MARCHF4: variants seen among roughly 807,000 people sequenced by gnomAD.
MARCHF4 encodes E3 ubiquitin-protein ligase MARCHF4.
MARCHF4 carries 14 observed loss-of-function variants against 43.9 expected under a neutral mutation model. That is an observed-to-expected ratio of 0.32 (90% CI 0.21 to 0.50). The LOEUF (loss-of-function observed/expected upper bound fraction) is 0.50, where lower values mean the gene tolerates loss of function less well. Ranked by LOEUF, MARCHF4 falls within the 20% of genes least tolerant of loss-of-function variation. The probability of loss-of-function intolerance (pLI) is 0.98; values close to 1 mark genes in which losing one functional copy is unlikely to be tolerated. For missense variants in MARCHF4, 468 were observed against 536.7 expected, an observed-to-expected ratio of 0.87 and a Z score of 1.27; for synonymous variants, 226 against 213.3, an observed-to-expected ratio of 1.06 and a Z score of -0.52.
At chr2:216,351,901 A>G (rs1376187792) in intron 1 of MARCHF4, among the ~76,000 whole-genome samples, 1 of 152,240 alleles carries the variant, frequency 6.6e-6, no homozygotes, top group African/African-American at 2.4e-5. Flanking sequence ...AGGACAAAAA[A>G]AGGCAAATGT....
intron 3 of MARCHF4, among the ~76,000 whole-genome samples, chr2:216,273,685 T>A (rs1690975794): frequency 6.6e-6 from 1 of 152,150 alleles, no homozygotes; most frequent in South Asian, 2.1e-4. Context: ...AACTAACCTA[T>A]CAGGTTTTGA....
At chr2:216,274,871 C>T (rs1178195496) in intron 3 of MARCHF4, among the ~76,000 whole-genome samples, 1 of 147,088 alleles carries the variant, frequency 6.8e-6, no homozygotes, top group Non-Finnish European at 1.5e-5. Context: ...GGTATAGGTT[C>T]TTATTATAAT....
chr2:216,372,314 G>T lies in MARCHF4; in HGVS notation c.-2054C>A, dbSNP rs1692783019. ...CGGCTATCTCCGCCGCCGGCGCCGCGGCCGCCGCTGCTGCATTCAGCACCC... is the reference window on the plus strand; with the variant it reads ...CGGCTATCTCCGCCGCCGGCGCCGCTGCCGCCGCTGCTGCATTCAGCACCC... On this transcript the variant is annotated 5_prime_UTR_variant, in exon 1 of 4. Transcript: ENST00000273067. 6.6e-6 allele frequency among the ~76,000 whole-genome samples: 1 copy of T among 152,156 alleles called. No homozygotes were observed. Among genetic ancestry groups the T allele is most frequent in the East Asian group, 1.9e-4 (1 of 5,170 alleles).
chr2:216,277,616 C>A, intron 3 of MARCHF4, 56 bp downstream of exon 3: 1 of 1,503,826 alleles, frequency 6.6e-7, no homozygotes, highest in South Asian at 1.3e-5. Context: ...AGGGATCTGT[C>A]CATCCCACGA....
intron 1 of MARCHF4, among the ~76,000 whole-genome samples, chr2:216,361,831 G>C (rs1291046270): frequency 6.6e-6 from 1 of 152,170 alleles, no homozygotes; most frequent in Non-Finnish European, 1.5e-5. Flanking sequence ...GCAACAGTGT[G>C]ATCTGAGGGC....
At chr2:216,354,983 C>CTTTCTTTCTTTA in intron 1 of MARCHF4, among the ~76,000 whole-genome samples, 1 of 96,948 alleles carries the variant, frequency 1.0e-5, no homozygotes, top group East Asian at 2.6e-4. Context: ...TTCTTTCTTT[C>CTTTCTTTCTTTA]TTTTTTGAGA....
chr2:216,280,136 G>A (rs952989360), intron 2 of MARCHF4, among the ~76,000 whole-genome samples: 38 of 152,056 alleles, frequency 2.5e-4, no homozygotes, highest in Non-Finnish European at 1.0e-4. Flanking sequence ...CCTCCTGTCT[G>A]TCCCATATGA....
At chr2:216,345,894 A>C (rs1692312081) in intron 1 of MARCHF4, among the ~76,000 whole-genome samples, 1 of 151,580 alleles carries the variant, frequency 6.6e-6, no homozygotes, top group African/African-American at 2.4e-5. Context: ...ATGTAAAATC[A>C]AATAGGAGGG....
At chr2:216,348,361 TA>T (rs1340804032) in intron 1 of MARCHF4, among the ~76,000 whole-genome samples, 2 of 152,020 alleles carry the variant, frequency 1.3e-5, no homozygotes, top group African/African-American at 4.8e-5. Context: ...CTTAGTAACA[TA>T]ATGAGATAGG....
At chr2:216,296,980 A>G (rs1294733818) in intron 1 of MARCHF4, among the ~76,000 whole-genome samples, 1 of 152,208 alleles carries the variant, frequency 6.6e-6, no homozygotes, top group Non-Finnish European at 1.5e-5. Context: ...TAGCCGTGCC[A>G]GAGTCTGCTG....
intron 1 of MARCHF4, among the ~76,000 whole-genome samples, chr2:216,368,767 CACTA>C (rs1415514588): frequency 2.6e-5 from 4 of 152,230 alleles, no homozygotes; most frequent in Admixed American, 6.5e-5. Context: ...TCTCCAGCAT[CACTA>C]ACTGCGTGAG....
At chr2:216,355,382 C>A (rs1692486345) in intron 1 of MARCHF4, among the ~76,000 whole-genome samples, 1 of 152,174 alleles carries the variant, frequency 6.6e-6, no homozygotes, top group African/African-American at 2.4e-5. Context: ...ACCCAGCACC[C>A]ACCTTCAGCA....
In MARCHF4 at chr2:216,261,106, G is replaced by A. The variant is rs907516469; in HGVS notation, c.866-1427C>T. On this transcript the variant is annotated intron_variant, in intron 3 of 3. Transcript: ENST00000273067. ...GATTTGTGTGGTGGCTGCGGTGACC[G>A]GATTCATTTCCTATTGCTGCAGTGA... 3.9e-5 allele frequency among the ~76,000 whole-genome samples: 6 copies of A among 152,152 alleles called. 1 individual carries two copies. Among genetic ancestry groups the A allele is most frequent in the Admixed American group, 2.6e-4 (4 of 15,278 alleles).
intron 1 of MARCHF4, among the ~76,000 whole-genome samples, chr2:216,314,316 G>T (rs548647183): frequency 5.3e-5 from 8 of 149,900 alleles, no homozygotes; most frequent in Non-Finnish European, 1.2e-4. Flanking sequence ...GTAGACAAAT[G>T]ATGTAACTAC....
In MARCHF4 at chr2:216,370,416, G is replaced by A; in HGVS notation, c.-156C>T. The A allele has an allele frequency of 1.7e-6, 1 of 584,462 alleles. No homozygotes were observed. The highest frequency in any genetic ancestry group is 2.9e-6 in the Non-Finnish European group (1 of 341,172). The allele number at this position is 584,462 out of a possible 1,614,324, so 36.2% of individuals were successfully genotyped here. On this transcript the variant is annotated 5_prime_UTR_variant, in exon 1 of 4. Coordinates refer to ENST00000273067, the MANE Select transcript of MARCHF4 (RefSeq NM_020814.3). ...AACCCCTCCAAGTAGCAAATAAATT[G>A]CTCCCAGGACTGAGAAGTGTGAGTC... is the stretch of plus-strand genomic sequence containing the variant.
At chr2:216,325,791 C>A (rs1221248928) in intron 1 of MARCHF4, among the ~76,000 whole-genome samples, 221 of 149,182 alleles carry the variant, frequency 1.5e-3, no homozygotes, top group African/African-American at 5.0e-3. Flanking sequence ...CTTCCTTACA[C>A]CTTATACAAA....
chr2:216,354,914 T>TCTTC (rs1491398699), intron 1 of MARCHF4, among the ~76,000 whole-genome samples: 3,394 of 100,814 alleles, frequency 0.034, 162 homozygotes, highest in Non-Finnish European at 0.046. Flanking sequence ...TTTCTTTCTT[T>TCTTC]CTTTCTTTCT....
chr2:216,354,971 CTTT>C (rs1559106718), intron 1 of MARCHF4, among the ~76,000 whole-genome samples: 3 of 111,196 alleles, frequency 2.7e-5, no homozygotes, highest in East Asian at 5.1e-4. Context: ...TTCTTTCTTT[CTTT>C]CTTTCTTTCT....
At position 216,259,005 on chromosome 2, in the gene MARCHF4, G is replaced by A. The variant is rs1440853956; in HGVS notation, c.*307C>T. 4.3e-6 allele frequency: 1 copy of A among 232,538 alleles called. No homozygotes were observed. Among genetic ancestry groups the A allele is most frequent in the Non-Finnish European group, 8.5e-6 (1 of 117,846 alleles). The allele number at this position is 232,538 out of a possible 1,614,324, so 14.4% of individuals were successfully genotyped here. ...GCCTGCCCTCAGCCTCTGCTTCTTC[G>A]GGTACCTTGCCTGCAGGTGCATTGG... On this transcript the variant is annotated 3_prime_UTR_variant, in exon 4 of 4. Coordinates refer to ENST00000273067, the MANE Select transcript of MARCHF4 (RefSeq NM_020814.3).
Sources: allele counts gnomAD v4.1 joint callset (sites outside exome capture counted in the v4.1 genomes callset), GRCh38; gene constraint gnomAD v4.1.1; transcripts MANE v1.5; gene names NCBI Gene and HGNC (gene_info 2026-07-23, HGNC 2026-07-21).